Variants in MKLN1 observed in about 807,000 individuals in gnomAD.
MKLN1 encodes muskelin 1.
In MKLN1, 18 loss-of-function variants were observed where a neutral mutation model predicts 99.0. The ratio of observed to expected loss-of-function variants is 0.18; its 90% CI spans 0.13 to 0.27. The LOEUF (loss-of-function observed/expected upper bound fraction) is 0.27. Ranked by LOEUF, MKLN1 falls within the 10% of genes least tolerant of loss-of-function variation. The pLI is 1.00. For synonymous variants in MKLN1, 288 were observed against 293.2 expected (o/e 0.98, Z 0.18); for missense variants, 621 against 875.9 (o/e 0.71, Z 3.67).
chr7:131,443,037 G>T (rs552624724), intron 10 of MKLN1, among the ~76,000 whole-genome samples: 2 of 152,292 alleles, frequency 1.3e-5, no homozygotes, highest in Non-Finnish European at 2.9e-5. Flanking sequence ...AATAAATGCA[G>T]AGAGGTGAAT....
chr7:131,235,992 C>A (rs1447568279), intron 3 of MKLN1, among the ~76,000 whole-genome samples: 2 of 152,174 alleles, frequency 1.3e-5, no homozygotes, highest in African/African-American at 4.8e-5. Context: ...AGCTGGCAAT[C>A]AGTTTTTCAA....
chr7:131,444,680 G>A (rs1000640803), intron 11 of MKLN1, among the ~76,000 whole-genome samples: 2 of 150,836 alleles, frequency 1.3e-5, no homozygotes, highest in Admixed American at 6.6e-5. Flanking sequence ...CCCCCAAGTA[G>A]CTAAAACTAC....
At chr7:131,441,511 T>G (rs527950911) in intron 10 of MKLN1, among the ~76,000 whole-genome samples, 1 of 152,336 alleles carries the variant, frequency 6.6e-6, no homozygotes, top group Non-Finnish European at 1.5e-5. Flanking sequence ...CTTTAAAGAT[T>G]TTTTTAAGTC....
chr7:131,451,671 A>T (rs1315328987), intron 12 of MKLN1, among the ~76,000 whole-genome samples: 2 of 152,190 alleles, frequency 1.3e-5, no homozygotes, highest in Non-Finnish European at 2.9e-5. Context: ...GCTTTAAGGG[A>T]TTTATTAGCA....
chr7:131,450,497 G>A (rs1286545067), intron 12 of MKLN1, among the ~76,000 whole-genome samples: 1 of 152,060 alleles, frequency 6.6e-6, no homozygotes, highest in Non-Finnish European at 1.5e-5. Context: ...CTGCCCTCAG[G>A]ATTAAGTCTA....
At chr7:131,409,267 T>TTA (rs1194331175) in intron 6 of MKLN1, among the ~76,000 whole-genome samples, 8 of 152,208 alleles carry the variant, frequency 5.3e-5, no homozygotes, top group Admixed American at 3.9e-4. Flanking sequence ...AAAGGCCTTA[T>TTA]TAGCAAGCGT....
chr7:131,179,835 A>G (rs974035192), intron 2 of MKLN1, among the ~76,000 whole-genome samples: 3 of 151,992 alleles, frequency 2.0e-5, no homozygotes, highest in African/African-American at 4.8e-5. Context: ...CGGCCTCCCA[A>G]AATGCTGGCA....
chr7:131,477,457 T>C (rs1168282885), intron 16 of MKLN1, among the ~76,000 whole-genome samples: 1 of 151,040 alleles, frequency 6.6e-6, no homozygotes, highest in Admixed American at 6.6e-5. Flanking sequence ...CAGTGAGCCA[T>C]GATCACGCCA....
intron 1 of MKLN1, among the ~76,000 whole-genome samples, chr7:131,337,271 A>C (rs1046121098): frequency 3.9e-5 from 6 of 152,066 alleles, no homozygotes; most frequent in African/African-American, 1.4e-4. Flanking sequence ...GCTGTGAAAA[A>C]ATTTTGACTT....
intron 10 of MKLN1, among the ~76,000 whole-genome samples, chr7:131,442,770 T>C (rs1345406119): frequency 1.3e-5 from 2 of 152,256 alleles, no homozygotes; most frequent in Admixed American, 1.3e-4. Context: ...TTGATTCTTA[T>C]TGTCTCGTGA....
chr7:131,127,593 A>C (rs1477379828), intron 1 of MKLN1, among the ~76,000 whole-genome samples: 1 of 152,216 alleles, frequency 6.6e-6, no homozygotes, highest in African/African-American at 2.4e-5. Flanking sequence ...TGCAAGAAGG[A>C]ATAAAAGAAC....
At chr7:131,481,050 A>G (rs1271836738) in intron 17 of MKLN1, among the ~76,000 whole-genome samples, 3 of 152,240 alleles carry the variant, frequency 2.0e-5, no homozygotes, top group Non-Finnish European at 2.9e-5. Context: ...TTTGGATTCT[A>G]AACAAACCTC....
chr7:131,445,518 C>G (rs993233889), intron 11 of MKLN1, among the ~76,000 whole-genome samples: 1 of 151,438 alleles, frequency 6.6e-6, no homozygotes, highest in African/African-American at 2.4e-5. Flanking sequence ...TCCTTCTTCT[C>G]CATTCCTACA....
rs148251366 is a variant in MKLN1, at chr7:131,378,138, T to A, written c.168+2645T>A. Among the ~76,000 whole-genome samples the A allele has an allele frequency of 3.1e-3, 475 of 152,250 alleles. 1 individual carries two copies. The highest frequency in any genetic ancestry group is 0.011 in the African/African-American group (453 of 41,556). ...GTTTATTTATTTTTTTGAGACCGAA[T>A]TTTGCTCTTGTCATCCAGGCTGGAG... On this transcript the variant is annotated intron_variant, in intron 2 of 17. Transcript: ENST00000352689.
Position 131,495,909 on chromosome 7 carries a change from CTTTG to C in MKLN1, c.*8185_*8188del, listed in dbSNP as rs1479551785. 3.3e-5 allele frequency: 5 copies of C among 152,110 alleles called. No individual in the cohort carries two copies. Among genetic ancestry groups the C allele is most frequent in the Non-Finnish European group, 5.9e-5 (4 of 68,024 alleles). The allele number at this position is 152,110 out of a possible 1,614,324, so 9.4% of individuals were successfully genotyped here. A position where few individuals can be genotyped will look rare whatever the true frequency, so the allele number is the denominator to read the frequency against. The stretch of plus-strand genomic sequence containing the variant: ...GCATATTCATACCATGAGGAGGAGT[CTTTG>C]TTTATGATGGACTTTTTAATATGGC... On this transcript the variant is annotated 3_prime_UTR_variant, in exon 18 of 18. Transcript: ENST00000352689.
intron 3 of MKLN1, among the ~76,000 whole-genome samples, chr7:131,292,070 G>GCACT (rs1472306419): frequency 6.6e-6 from 1 of 152,112 alleles, no homozygotes; most frequent in Non-Finnish European, 1.5e-5. Context: ...CCATGACACT[G>GCACT]CACTCCAGCC....
chr7:131,407,596 T>A (rs183164386), intron 6 of MKLN1, among the ~76,000 whole-genome samples: 16 of 152,030 alleles, frequency 1.1e-4, no homozygotes, highest in African/African-American at 3.6e-4. Flanking sequence ...CTTTTTTCTC[T>A]TTAAGATTTT....
At chr7:131,182,266 T>G (rs1796387615) in intron 2 of MKLN1, among the ~76,000 whole-genome samples, 1 of 152,256 alleles carries the variant, frequency 6.6e-6, no homozygotes, top group Admixed American at 6.5e-5. Flanking sequence ...TGATTGAATT[T>G]GGGAAAAACA....
intron 2 of MKLN1, among the ~76,000 whole-genome samples, chr7:131,156,282 C>T (rs1215322669): frequency 1.3e-5 from 2 of 152,042 alleles, no homozygotes; most frequent in Non-Finnish European, 2.9e-5. Flanking sequence ...AATCCCAGCA[C>T]TTTGGGAGGC....
Sources: allele counts gnomAD v4.1 joint callset (sites outside exome capture counted in the v4.1 genomes callset), GRCh38; gene constraint gnomAD v4.1.1; transcripts MANE v1.5; gene names NCBI Gene and HGNC (gene_info 2026-07-23, HGNC 2026-07-21).